Variants in SAMD13 observed in about 807,000 individuals in gnomAD.
SAMD13 encodes the protein sterile alpha motif domain-containing protein 13.
Under a neutral mutation model 12.4 loss-of-function variants are expected in SAMD13, and 9 were observed. The ratio of observed to expected loss-of-function variants is 0.72; its 90% CI spans 0.44 to 1.26. SAMD13 has a LOEUF of 1.26. Among genes scored for constraint, SAMD13 ranks in the 50% most tolerant of loss-of-function variants. The pLI is 0.00. For missense variants in SAMD13, 84 were observed against 119.6 expected (o/e 0.70, Z 1.39); for synonymous variants, 46 against 45.4 (o/e 1.01, Z -0.05).
rs1408482667 is a variant in SAMD13, at chr1:84,325,720, A to C, written c.137A>C (p.Glu46Ala). Residue 46 changes from glutamate (E) to alanine (A), a missense_variant, in exon 3 of 4, where the codon GAG (glutamate) becomes GCG (alanine). By Grantham distance (107) the Glu-to-Ala change is moderately radical (BLOSUM62 -1). Coordinates refer to ENST00000394834, the MANE Select transcript of SAMD13 (RefSeq NM_001134663.2). Reference protein sequence around the residue: ...VVNYFRTVGFEEQASAFQEQE... With the variant: ...VVNYFRTVGFAEQASAFQEQE... ...AATTATTTCCGAACCGTGGGATTTG[A>C]GGAGCAAGCTAGTGCTTTTCAGGAA... The C allele has an allele frequency of 6.2e-7, 1 of 1,612,846 alleles. No individual in the cohort carries two copies. Among genetic ancestry groups the C allele is most frequent in the Non-Finnish European group, 8.5e-7 (1 of 1,179,020 alleles).
chr1:84,313,647 GCC>G (rs1558442538), intron 2 of SAMD13, among the ~76,000 whole-genome samples: 1 of 152,024 alleles, frequency 6.6e-6, no homozygotes, highest in Non-Finnish European at 1.5e-5. Flanking sequence ...CCACCACCAT[GCC>G]CCCGAGCCCC....
At chr1:84,320,375 G>A (rs1006995900) in intron 2 of SAMD13, among the ~76,000 whole-genome samples, 6 of 152,184 alleles carry the variant, frequency 3.9e-5, no homozygotes, top group African/African-American at 1.2e-4. Context: ...TCATCATTTT[G>A]ATGTGATGCA....
rs1217295019 is a variant in SAMD13 at position 84,349,756 on chromosome 1, A to G, written c.291A>G (p.Leu97=). 1.9e-6 allele frequency: 3 copies of G among 1,613,552 alleles called. No individual in the cohort carries two copies. Among genetic ancestry groups the G allele is most frequent in the African/African-American group, 1.3e-5 (1 of 75,054 alleles). The change falls in exon 4 of 4, where the codon TTA becomes TTG. Residue 97 remains leucine, a synonymous_variant. Coordinates refer to ENST00000394834, the MANE Select transcript of SAMD13 (RefSeq NM_001134663.2). ...YHVKPLQTKH[L]KNNSS The stretch of plus-strand genomic sequence containing the variant: ...TAAAACCTCTGCAGACAAAGCATTT[A>G]AAGAACAACTCTTCATAGTACAGTC...
At chr1:84,306,077 A>G (rs1028593861) in intron 2 of SAMD13, among the ~76,000 whole-genome samples, 2 of 152,120 alleles carry the variant, frequency 1.3e-5, no homozygotes, top group African/African-American at 2.4e-5. Flanking sequence ...GAGAGTTGGT[A>G]TTTTAACAAT....
intron 3 of SAMD13, among the ~76,000 whole-genome samples, chr1:84,331,445 C>T (rs1679184491): frequency 6.7e-6 from 1 of 150,228 alleles, no homozygotes; most frequent in African/African-American, 2.4e-5. Context: ...ATTAAAACCT[C>T]ACAAATTGAG....
chr1:84,304,754 GT>G (rs1317326658), intron 2 of SAMD13, among the ~76,000 whole-genome samples: 1 of 151,844 alleles, frequency 6.6e-6, no homozygotes, highest in Non-Finnish European at 1.5e-5. Context: ...AAATGAATGT[GT>G]ATACATCCCC....
chr1:84,347,048 T>G (rs2101822993), intron 3 of SAMD13, among the ~76,000 whole-genome samples: 1 of 152,280 alleles, frequency 6.6e-6, no homozygotes, highest in Non-Finnish European at 1.5e-5. Context: ...ATCCCTAAAG[T>G]CCTTTACTGG....
chr1:84,305,531 T>A (rs1024054598), intron 2 of SAMD13, among the ~76,000 whole-genome samples: 6 of 152,306 alleles, frequency 3.9e-5, no homozygotes, highest in Admixed American at 2.0e-4. Context: ...ATTTTTTTCT[T>A]TTATGGATAG....
intron 3 of SAMD13, among the ~76,000 whole-genome samples, chr1:84,343,705 G>T (rs1227236373): frequency 6.6e-6 from 1 of 152,162 alleles, no homozygotes; most frequent in Admixed American, 6.5e-5. Context: ...GGCCTGTCAG[G>T]GGTGGGTTGG....
intron 2 of SAMD13, among the ~76,000 whole-genome samples, chr1:84,304,735 A>G (rs188817): frequency 0.75 from 114,179 of 151,930 alleles, 43,084 homozygotes; most frequent in South Asian, 0.82. Context: ...TTCTTCTAGA[A>G]TTTTATATAA....
intron 3 of SAMD13, among the ~76,000 whole-genome samples, chr1:84,334,711 C>G (rs1455810128): frequency 2.6e-5 from 4 of 152,224 alleles, no homozygotes; most frequent in East Asian, 3.9e-4. Flanking sequence ...ATAAACTTTC[C>G]TCTTAACACT....
rs1327864967 is a variant in SAMD13 at position 84,325,730 on chromosome 1, T to C, written c.147T>C (p.Ala49=). ...GAACCGTGGGATTTGAGGAGCAAGC[T>C]AGTGCTTTTCAGGAACAGGTAACTT... ...YFRTVGFEEQ[A]SAFQEQEIDG... is the part of the protein sequence containing the mutation. The change falls in exon 3 of 4, where the codon GCT becomes GCC. Residue 49 remains alanine (A), a synonymous_variant. Coordinates refer to ENST00000394834, the MANE Select transcript of SAMD13 (RefSeq NM_001134663.2). 6.2e-7 allele frequency: 1 copy of C among 1,611,118 alleles called. No individual in the cohort carries two copies. Among genetic ancestry groups the C allele is most frequent in the Admixed American group, 1.7e-5 (1 of 59,974 alleles).
chr1:84,337,930 CA>C (rs1679337192), intron 3 of SAMD13, among the ~76,000 whole-genome samples: 1 of 152,032 alleles, frequency 6.6e-6, no homozygotes. Context: ...ATCTCTAGGG[CA>C]GGGGCAAAAT....
Position 84,303,370 on chromosome 1 carries a change from C to T in SAMD13, c.53+83C>T, listed in dbSNP as rs1197037617. ...TATTTTCGTACTTCTTGCTTATCTA[C>T]TACAATACACAGTTTGGGGGTCGCC... On this transcript the variant is annotated intron_variant, in intron 2 of 3. Coordinates refer to ENST00000394834, the MANE Select transcript of SAMD13 (RefSeq NM_001134663.2). 3.6e-6 allele frequency: 4 copies of T among 1,116,580 alleles called. No homozygotes were observed. The East Asian group carries it at 1.0e-4, about 29-fold the overall frequency. 69.2% of individuals were successfully genotyped at this position (1,116,580 alleles called of 1,614,324 possible). A position where few individuals can be genotyped will look rare whatever the true frequency, so the allele number is the denominator to read the frequency against.
At chr1:84,333,407 A>G (rs1475343715) in intron 3 of SAMD13, among the ~76,000 whole-genome samples, 1 of 151,986 alleles carries the variant, frequency 6.6e-6, no homozygotes, top group East Asian at 1.9e-4. Context: ...TGTAGTTCTC[A>G]TTGTAAAGAT....
intron 2 of SAMD13, among the ~76,000 whole-genome samples, chr1:84,311,554 A>T (rs1678713258): frequency 6.6e-6 from 1 of 152,276 alleles, no homozygotes; most frequent in East Asian, 1.9e-4. Flanking sequence ...GATCCATAGC[A>T]TTTGCAAATA....
chr1:84,344,502 C>G (rs1467792018), intron 3 of SAMD13, among the ~76,000 whole-genome samples: 1 of 152,114 alleles, frequency 6.6e-6, no homozygotes, highest in Non-Finnish European at 1.5e-5. Context: ...TGTGAAGGAT[C>G]CATACAACAA....
chr1:84,336,146 A>T (rs1679283511), intron 3 of SAMD13, among the ~76,000 whole-genome samples: 1 of 152,128 alleles, frequency 6.6e-6, no homozygotes, highest in Non-Finnish European at 1.5e-5. Flanking sequence ...GTATTTTCGA[A>T]GTTGCTTGCT....
At chr1:84,298,813 C>G (rs1678373233), upstream of SAMD13, among the ~76,000 whole-genome samples, 1 of 152,076 alleles carries the variant, frequency 6.6e-6, no homozygotes, top group Non-Finnish European at 1.5e-5. Flanking sequence ...GGGCTGCTGG[C>G]AGTGCTCGGG....
Sources: allele counts gnomAD v4.1 joint callset (sites outside exome capture counted in the v4.1 genomes callset), GRCh38; gene constraint gnomAD v4.1.1; transcripts MANE v1.5; gene names NCBI Gene and HGNC (gene_info 2026-07-23, HGNC 2026-07-21).